MECR: variants seen among roughly 807,000 people sequenced by gnomAD.
The protein encoded by MECR is mitochondrial trans-2-enoyl-CoA reductase, also known as enoyl-[acyl-carrier-protein] reductase, mitochondrial.
MECR carries 37 observed loss-of-function variants against 49.1 expected under a neutral mutation model. The ratio of observed to expected loss-of-function variants is 0.75; its 90% CI spans 0.58 to 0.99. The LOEUF (loss-of-function observed/expected upper bound fraction) is 0.99. Ranked by LOEUF, MECR falls within the 50% of genes least tolerant of loss-of-function variation. The pLI, the probability that MECR is intolerant of heterozygous loss-of-function variation, is 0.00. For synonymous variants in MECR, 198 were observed against 191.1 expected (o/e 1.04, Z -0.30); for missense variants, 470 against 479.6 (o/e 0.98, Z 0.19).
At chr1:29,205,834 C>T (rs967951727) in intron 4 of MECR, among the ~76,000 whole-genome samples, 17 of 152,116 alleles carry the variant, frequency 1.1e-4, no homozygotes, top group Non-Finnish European at 2.1e-4. Context: ...AAAAAACAGC[C>T]GGAGCAGTAG....
chr1:29,172,691 A>C, the MECR span: 3 of 152,180 alleles, frequency 2.0e-5, no homozygotes, highest in Admixed American at 6.6e-5. Context: ...GCTTTTCTGG[A>C]AAGTTATTTG....
chr1:29,227,854 A>G (rs1257636895), intron 1 of MECR, among the ~76,000 whole-genome samples: 2 of 152,206 alleles, frequency 1.3e-5, no homozygotes, highest in Non-Finnish European at 2.9e-5. Context: ...TACGAGAACA[A>G]GTAAAGCCGC....
the MECR span, chr1:29,168,632 T>C: frequency 6.6e-6 from 1 of 152,118 alleles, no homozygotes; most frequent in African/African-American, 2.4e-5. Context: ...GTTCAGAACA[T>C]AACAGACTAG....
chr1:29,210,974 A>G (rs2151883688), intron 3 of MECR, among the ~76,000 whole-genome samples: 1 of 152,210 alleles, frequency 6.6e-6, no homozygotes, highest in African/African-American at 2.4e-5. Flanking sequence ...AGGATTCCCA[A>G]TTCCTCAGTC....
At chr1:29,174,457 G>C in the MECR span, among the ~76,000 whole-genome samples, 2 of 152,080 alleles carry the variant, frequency 1.3e-5, no homozygotes, top group South Asian at 2.1e-4. Flanking sequence ...TTGCAACATG[G>C]TTCTGATTAT....
chr1:29,226,030 G>C (rs1208880453), intron 1 of MECR, among the ~76,000 whole-genome samples: 1 of 152,094 alleles, frequency 6.6e-6, no homozygotes. Context: ...TTAGCTGGGT[G>C]TGGTGGCACG....
the MECR span, among the ~76,000 whole-genome samples, chr1:29,181,020 T>A: frequency 6.6e-6 from 1 of 152,152 alleles, no homozygotes. Context: ...AGATAAGAAG[T>A]TAAGACTTTA....
At chr1:29,188,961 C>T (rs1029101905), downstream of MECR, among the ~76,000 whole-genome samples, 1 of 146,432 alleles carries the variant, frequency 6.8e-6, no homozygotes, top group Non-Finnish European at 1.5e-5. Flanking sequence ...TTGTATGAGA[C>T]GGAGATTCAC....
intron 5 of MECR, 136 bp downstream of exon 5, chr1:29,202,995 G>T: frequency 1.6e-6 from 1 of 633,510 alleles, no homozygotes. Flanking sequence ...TGTTTCAGCC[G>T]CCAACTGTTA....
the MECR span, among the ~76,000 whole-genome samples, chr1:29,180,750 C>G: frequency 6.6e-6 from 1 of 152,248 alleles, no homozygotes; most frequent in Non-Finnish European, 1.5e-5. Context: ...TTTCTCCAGG[C>G]CTGATTCCTC....
intron 1 of MECR, among the ~76,000 whole-genome samples, chr1:29,217,696 C>T (rs913499325): frequency 6.6e-6 from 1 of 152,200 alleles, no homozygotes; most frequent in Non-Finnish European, 1.5e-5. Context: ...TAGTTCTTAC[C>T]AACCGGGGTA....
chr1:29,228,885 T>C (rs1040392589), intron 1 of MECR: 2 of 152,174 alleles, frequency 1.3e-5, no homozygotes, highest in African/African-American at 4.8e-5. Context: ...GAGCACCTGT[T>C]TTGTGGCAGG....
At chr1:29,184,311 A>G in the MECR span, among the ~76,000 whole-genome samples, 1 of 149,624 alleles carries the variant, frequency 6.7e-6, no homozygotes, top group Non-Finnish European at 1.5e-5. Flanking sequence ...AGTAGCTGGG[A>G]TTACAGGCAT....
At chr1:29,223,403 A>G (rs1230539944) in intron 1 of MECR, 16 of 432,462 alleles carry the variant, frequency 3.7e-5, no homozygotes, top group Non-Finnish European at 4.0e-5. Context: ...CTCTGCTGAG[A>G]TATCTTTCCT....
At chr1:29,189,111 TG>T (rs1319848970), downstream of MECR, among the ~76,000 whole-genome samples, 11 of 152,130 alleles carry the variant, frequency 7.2e-5, no homozygotes, top group African/African-American at 2.7e-4. Context: ...GGCTAATTTT[TG>T]TATTTTTAGT....
downstream of MECR, among the ~76,000 whole-genome samples, chr1:29,187,862 C>A (rs2151833941): frequency 6.7e-6 from 1 of 149,834 alleles, no homozygotes; most frequent in East Asian, 2.1e-4. Context: ...TGGTGAAACC[C>A]CATCTCTACT....
the MECR span, among the ~76,000 whole-genome samples, chr1:29,176,279 A>C: frequency 3.3e-5 from 5 of 151,864 alleles, no homozygotes; most frequent in Non-Finnish European, 5.9e-5. Context: ...AAAAACAAAA[A>C]AACAACAAAT....
the MECR span, among the ~76,000 whole-genome samples, chr1:29,187,650 A>G: frequency 4.0e-3 from 601 of 150,736 alleles, 1 homozygote; most frequent in African/African-American, 9.3e-3. Context: ...CCCAGGCTGG[A>G]GTGCAGTGGT....
the MECR span, among the ~76,000 whole-genome samples, chr1:29,178,575 C>G: frequency 1.3e-5 from 2 of 151,916 alleles, no homozygotes; most frequent in East Asian, 3.9e-4. Flanking sequence ...CCAGGATGGT[C>G]TCGATCTCCT....
Sources: gnomAD v4.1 joint callset for allele counts (sites outside exome capture counted in the v4.1 genomes callset) on GRCh38, gnomAD v4.1.1 for gene constraint, MANE v1.5 for transcripts, NCBI Gene and HGNC (gene_info 2026-07-23, HGNC 2026-07-21) for gene names.